Variants in BLMH observed in about 807,000 individuals in gnomAD.
The protein encoded by BLMH is BLM hydrolase.
A neutral mutation model predicts 61.6 loss-of-function variants in BLMH; 32 were observed. That is an observed-to-expected ratio of 0.52 (90% CI 0.39 to 0.70). The LOEUF is 0.70. Among genes scored for constraint, BLMH ranks in the 30% least tolerant of loss-of-function variants. The pLI, the probability that BLMH is intolerant of heterozygous loss-of-function variation, is 0.00. For missense variants in BLMH, 460 were observed against 555.5 expected (o/e 0.83, Z 1.73); for synonymous variants, 183 against 193.8 (o/e 0.94, Z 0.46).
At chr17:30,283,734 A>C (rs1004779491) in intron 6 of BLMH, among the ~76,000 whole-genome samples, 10 of 151,964 alleles carry the variant, frequency 6.6e-5, no homozygotes, top group Non-Finnish European at 1.2e-4. Context: ...GTTGGTCAGG[A>C]TGGTCTTGAT....
chr17:30,282,909 T>C (rs1178836559), intron 6 of BLMH, among the ~76,000 whole-genome samples: 2 of 152,204 alleles, frequency 1.3e-5, no homozygotes, highest in African/African-American at 2.4e-5. Flanking sequence ...CACTTTATAA[T>C]ATGCACAATC....
chr17:30,282,764 A>G (rs1019784592), intron 6 of BLMH, among the ~76,000 whole-genome samples: 3 of 152,226 alleles, frequency 2.0e-5, no homozygotes, highest in African/African-American at 4.8e-5. Flanking sequence ...TACACAAATC[A>G]TAGGTACTAA....
At chr17:30,272,714 T>C (rs935820536) in intron 8 of BLMH, 27 bp downstream of exon 8, 7 of 1,613,932 alleles carry the variant, frequency 4.3e-6, no homozygotes, top group Admixed American at 1.7e-5. Context: ...TTAACCCCAA[T>C]GTGCAAAATA....
At chr17:30,274,961 AG>A (rs1447871320) in intron 6 of BLMH, among the ~76,000 whole-genome samples, 2 of 151,882 alleles carry the variant, frequency 1.3e-5, no homozygotes, top group Non-Finnish European at 2.9e-5. Flanking sequence ...CCTGGGTGAC[AG>A]AGCAAGACCC....
At chr17:30,272,009 T>C (rs1189351364) in intron 9 of BLMH, among the ~76,000 whole-genome samples, 1 of 152,232 alleles carries the variant, frequency 6.6e-6, no homozygotes, top group Non-Finnish European at 1.5e-5. Flanking sequence ...TCAAGATATT[T>C]ACTCAACTTC....
Position 30,272,903 on chromosome 17 carries a change from T to G in BLMH, c.802-4A>C. 2.5e-6 allele frequency: 4 copies of G among 1,613,448 alleles called. No individual in the cohort carries two copies. The highest frequency in any genetic ancestry group is 3.4e-6 in the Non-Finnish European group (4 of 1,179,802). ...TAGGGTCATTCACTAAACAAATCTA[T>G]CAAGATCAAGAACACATTAATTAGG... is the stretch of plus-strand genomic sequence containing the variant. On this transcript the variant is annotated splice_polypyrimidine_tract_variant and splice_region_variant and intron_variant, in intron 7 of 11. Transcript: ENST00000261714.
At chr17:30,277,694 T>C (rs1908459138) in intron 6 of BLMH, among the ~76,000 whole-genome samples, 1 of 152,236 alleles carries the variant, frequency 6.6e-6, no homozygotes. Flanking sequence ...TAAATACAAA[T>C]GTTTTACACT....
chr17:30,269,896 C>T (rs1371288636), intron 10 of BLMH, among the ~76,000 whole-genome samples: 1 of 152,168 alleles, frequency 6.6e-6, no homozygotes, highest in Non-Finnish European at 1.5e-5. Flanking sequence ...ACTTAAAGCA[C>T]TAGCCTTATA....
intron 6 of BLMH, among the ~76,000 whole-genome samples, 174 bp from the exon 7 acceptor site, chr17:30,274,371 T>C (rs1206185880): frequency 6.6e-6 from 1 of 152,224 alleles, no homozygotes; most frequent in African/African-American, 2.4e-5. Context: ...TGTCTGAGAT[T>C]TGTTATCAGT....
intron 10 of BLMH, among the ~76,000 whole-genome samples, chr17:30,270,956 C>T (rs1908251626): frequency 6.6e-6 from 1 of 152,154 alleles, no homozygotes; most frequent in Non-Finnish European, 1.5e-5. Flanking sequence ...ATTTTGATTC[C>T]TTATAAAGTA....
intron 7 of BLMH, 185 bp from the exon 8 acceptor site, chr17:30,273,084 C>A: frequency 1.6e-6 from 1 of 610,914 alleles, no homozygotes; most frequent in Admixed American, 3.2e-5. Context: ...GAGGTCCTTG[C>A]TTATTCTAAT....
intron 6 of BLMH, among the ~76,000 whole-genome samples, chr17:30,279,561 T>G (rs984038839): frequency 6.6e-6 from 1 of 152,216 alleles, no homozygotes; most frequent in African/African-American, 2.4e-5. Context: ...TTAAATATAT[T>G]TCATAAGAAG....
At chr17:30,280,553 T>C (rs1395633799) in intron 6 of BLMH, among the ~76,000 whole-genome samples, 1 of 152,190 alleles carries the variant, frequency 6.6e-6, no homozygotes, top group Non-Finnish European at 1.5e-5. Flanking sequence ...CACAGCTCAC[T>C]GCAGCCTTGA....
chr17:30,262,517 C>T (rs563262368), intron 11 of BLMH, among the ~76,000 whole-genome samples: 4 of 152,246 alleles, frequency 2.6e-5, no homozygotes, highest in East Asian at 1.9e-4. Context: ...TAACCTTGGC[C>T]GGGCACGGTG....
intron 11 of BLMH, among the ~76,000 whole-genome samples, chr17:30,264,160 A>G (rs1168837534): frequency 2.6e-5 from 4 of 152,230 alleles, no homozygotes; most frequent in Non-Finnish European, 5.9e-5. Context: ...GAAACACATG[A>G]GAATAATTTA....
chr17:30,291,909 C>A lies in BLMH; in HGVS notation c.-90G>T. ...CGCTGCGGCTCGCTGCCTAGGGGGC[C>A]CGACCTGTCTCTCGCACCCGGAGCG... On this transcript the variant is annotated 5_prime_UTR_variant, in exon 1 of 12. Transcript: ENST00000261714. 8.0e-7 allele frequency: 1 copy of A among 1,252,388 alleles called. No homozygotes were observed. The highest frequency in any genetic ancestry group is 3.1e-5 in the East Asian group (1 of 32,332). The allele number at this position is 1,252,388 out of a possible 1,614,324, so 77.6% of individuals were successfully genotyped here.
At chr17:30,259,540 G>A (rs1221297789) in intron 11 of BLMH, among the ~76,000 whole-genome samples, 1 of 151,836 alleles carries the variant, frequency 6.6e-6, no homozygotes, top group Non-Finnish European at 1.5e-5. Flanking sequence ...TTCTTCTTCT[G>A]TTAACTGCCC....
In BLMH at chr17:30,266,974, G is replaced by A; in HGVS notation, c.1147-20C>T. 1 of 1,611,550 alleles carries A rather than the reference G, an allele frequency of 6.2e-7. No individual in the cohort carries two copies. The highest frequency in any genetic ancestry group is 8.5e-7 in the Non-Finnish European group (1 of 1,177,842). ...ATCATCCTGCAAAAAAGTGGATGAT[G>A]GTGAGTAGTCTGAAGCCAGATTCTC... On this transcript the variant is annotated intron_variant, in intron 10 of 11. Transcript: ENST00000261714.
intron 6 of BLMH, among the ~76,000 whole-genome samples, chr17:30,283,512 C>G (rs906012442): frequency 6.6e-6 from 1 of 150,800 alleles, no homozygotes; most frequent in Non-Finnish European, 1.5e-5. Flanking sequence ...CCTACTATAC[C>G]TCCATCTTTT....
Sources: gnomAD v4.1 joint callset for allele counts (sites outside exome capture counted in the v4.1 genomes callset) on GRCh38, gnomAD v4.1.1 for gene constraint, MANE v1.5 for transcripts, NCBI Gene and HGNC (gene_info 2026-07-23, HGNC 2026-07-21) for gene names.